Variants in ABCA5 observed in about 807,000 individuals in gnomAD.
ABCA5 encodes ATP binding cassette subfamily A member 5, also known as cholesterol transporter ABCA5.
In ABCA5, 163 loss-of-function variants were observed where a neutral mutation model predicts 206.0. That is an observed-to-expected ratio of 0.79 (90% CI 0.70 to 0.90). The LOEUF is 0.90. Among genes scored for constraint, ABCA5 ranks in the 40% least tolerant of loss-of-function variants. The pLI is 0.00. For synonymous variants in ABCA5, 609 were observed against 613.8 expected, an observed-to-expected ratio of 0.99 and a Z score of 0.11; for missense variants, 1,859 against 1,912.9, an observed-to-expected ratio of 0.97 and a Z score of 0.53.
intron 10 of ABCA5, among the ~76,000 whole-genome samples, chr17:69,295,224 C>T (rs2075572972): frequency 6.6e-6 from 1 of 152,084 alleles, no homozygotes; most frequent in African/African-American, 2.4e-5. Flanking sequence ...GTAACCGCAC[C>T]CACAGACCTC....
intron 28 of ABCA5, among the ~76,000 whole-genome samples, chr17:69,259,019 G>A (rs571798796): frequency 3.4e-4 from 51 of 152,078 alleles, no homozygotes; most frequent in African/African-American, 1.1e-3. Context: ...GTGTAAAATG[G>A]TATTACCACT....
rs763585432 is a variant in ABCA5, at chr17:69,251,729, C to T, written c.4535+18G>A. 27 of 1,602,858 alleles carry T rather than the reference C, an allele frequency of 1.7e-5. No homozygotes were observed. The Middle Eastern group carries it at 5.0e-4, about 29-fold the overall frequency. On this transcript the variant is annotated intron_variant, in intron 35 of 38. Coordinates refer to ENST00000392676, the MANE Select transcript of ABCA5 (RefSeq NM_172232.4). ...CCCCAACCTCTTCCCCTGAATGGCA[C>T]GCTATTTAGACATCAACCTTAACTG... is the stretch of plus-strand genomic sequence containing the variant.
rs905242997 is a variant in ABCA5 at position 69,264,471 on chromosome 17, G to A, written c.3315+264C>T. Among the ~76,000 whole-genome samples, 7 of 152,262 alleles carry A rather than the reference G, an allele frequency of 4.6e-5. No individual in the cohort carries two copies. In the East Asian group the frequency reaches 1.3e-3, roughly 29 times the overall value. Reference sequence around the variant, plus strand: ...TTTTAAGGAAGGAATATATTAAAACGTTCCTGATTACACCCAAGTAGGTGG... The same window carrying A: ...TTTTAAGGAAGGAATATATTAAAACATTCCTGATTACACCCAAGTAGGTGG... On this transcript the variant is annotated intron_variant, in intron 24 of 38. Coordinates refer to ENST00000392676, the MANE Select transcript of ABCA5 (RefSeq NM_172232.4).
intron 22 of ABCA5, among the ~76,000 whole-genome samples, chr17:69,270,170 AT>A (rs1334515473): frequency 6.6e-6 from 1 of 152,158 alleles, no homozygotes; most frequent in African/African-American, 2.4e-5. Context: ...TTTTTAGCAT[AT>A]GAAAATCAAA....
Position 69,324,779 on chromosome 17 carries a change from C to T in ABCA5, c.-16+2273G>A, listed in dbSNP as rs544910962. 3.9e-5 allele frequency among the ~76,000 whole-genome samples: 6 copies of T among 152,266 alleles called. No individual in the cohort carries two copies. In the South Asian group the frequency reaches 1.2e-3, roughly 32 times the overall value. On this transcript the variant is annotated intron_variant, in intron 1 of 38. Transcript: ENST00000392676. ...CCTAAACTGAAGACTGATTTCATTA[C>T]AACTCTGAAACACAAGAAATTAAAT...
At chr17:69,301,024 T>C (rs897759531) in intron 9 of ABCA5, 115 bp downstream of exon 9, 2 of 885,180 alleles carry the variant, frequency 2.3e-6, no homozygotes, top group Non-Finnish European at 3.3e-6. Context: ...GCTTTAACAA[T>C]GAATATGACT....
intron 38 of ABCA5, among the ~76,000 whole-genome samples, chr17:69,248,015 A>C (rs906449306): frequency 2.6e-5 from 4 of 152,156 alleles, no homozygotes; most frequent in African/African-American, 9.6e-5. Context: ...ACATGTATCA[A>C]AACATCACTG....
rs144015753 is a variant in ABCA5 at position 69,275,065 on chromosome 17, A to C, written c.2595-937T>G. ...TGCCATGTTGGCCAGACTGGTCTCAAACTCCTGGCCTCAAGTGATCCAGCT... is the reference window on the plus strand; with the variant it reads ...TGCCATGTTGGCCAGACTGGTCTCACACTCCTGGCCTCAAGTGATCCAGCT... On this transcript the variant is annotated intron_variant, in intron 19 of 38. Transcript: ENST00000392676. 4.6e-3 allele frequency among the ~76,000 whole-genome samples: 702 copies of C among 152,094 alleles called. 4 individuals carry two copies. The highest frequency in any genetic ancestry group is 0.016 in the African/African-American group (675 of 41,490).
Position 69,268,011 on chromosome 17 carries a change from C to T in ABCA5, c.3076G>A (p.Ala1026Thr). 1 of 1,610,560 alleles carries T rather than the reference C, an allele frequency of 6.2e-7. No individual in the cohort carries two copies. The highest frequency in any genetic ancestry group is 8.5e-7 in the Non-Finnish European group (1 of 1,177,634). Reference sequence around the variant, plus strand: ...GCAGTAACAATGATTCCAAGCAAAGCTGCTTGAAAATACAGCTCAATTTTA... The same window carrying T: ...GCAGTAACAATGATTCCAAGCAAAGTTGCTTGAAAATACAGCTCAATTTTA... ...VFKIELYFQA[A>T]LLGIIVTAMP... Residue 1026 changes from alanine to threonine, a missense_variant, in exon 23 of 39, where the codon GCT (alanine) becomes ACT (threonine). Coordinates refer to ENST00000392676, the MANE Select transcript of ABCA5 (RefSeq NM_172232.4).
At chr17:69,270,285 T>A (rs1056558246) in intron 22 of ABCA5, among the ~76,000 whole-genome samples, 3 of 152,058 alleles carry the variant, frequency 2.0e-5, no homozygotes, top group African/African-American at 7.2e-5. Flanking sequence ...GGGTGACTTC[T>A]CAAGTTTTTT....
intron 22 of ABCA5, chr17:69,268,700 T>C (rs1324812439): frequency 1.3e-5 from 2 of 152,274 alleles, no homozygotes; most frequent in South Asian, 2.1e-4. Context: ...TTCCTCCCCT[T>C]GTTCTATAAG....
In ABCA5 at chr17:69,270,699, T is replaced by C. The variant is rs769754921; in HGVS notation, c.2944A>G (p.Ile982Val). The C allele has an allele frequency of 5.6e-6, 9 of 1,600,832 alleles. No individual in the cohort carries two copies. Among genetic ancestry groups the C allele is most frequent in the South Asian group, 3.4e-5 (3 of 87,978 alleles). The change falls in exon 22 of 39, where the codon ATA (isoleucine) becomes GTA (valine). Residue 982 changes from isoleucine (I) to valine (V), a missense_variant. Coordinates refer to ENST00000392676, the MANE Select transcript of ABCA5 (RefSeq NM_172232.4). Reference protein sequence around the residue: ...FNSTMVYSLPILVNIISNYYL... With the variant: ...FNSTMVYSLPVLVNIISNYYL... ...TAGTTACTAATGATATTCACTAATA[T>C]AGGTAAAGAATAAACCATAGTACTG...
intron 15 of ABCA5, 84 bp downstream of exon 15, chr17:69,287,525 CTATT>C (rs2144975866): frequency 7.0e-7 from 1 of 1,425,652 alleles, no homozygotes; most frequent in Admixed American, 2.5e-5. Context: ...AAAAGCTTCT[CTATT>C]TATACCTCAG....
chr17:69,326,050 C>T lies in ABCA5; in HGVS notation c.-16+1002G>A, dbSNP rs369328724. On this transcript the variant is annotated intron_variant, in intron 1 of 38. Transcript: ENST00000392676. The surrounding 1 kb of genome is among the most constrained non-coding windows in gnomAD (Gnocchi z 4.8). The stretch of plus-strand genomic sequence containing the variant: ...CTTCCCTAAAACACATACAATATTG[C>T]TCTCCCGGCAAACACAAAATATACT... Among the ~76,000 whole-genome samples, 41 of 152,290 alleles carry T rather than the reference C, an allele frequency of 2.7e-4. 1 individual carries two copies. In the East Asian group the frequency reaches 6.4e-3, roughly 24 times the overall value.
At chr17:69,311,332 T>A (rs2040049976) in intron 3 of ABCA5, among the ~76,000 whole-genome samples, 1 of 152,154 alleles carries the variant, frequency 6.6e-6, no homozygotes, top group Admixed American at 6.6e-5. Context: ...TAGTTCAACA[T>A]CCTACCAGTC....
In ABCA5 at chr17:69,252,035, G is replaced by A. The variant is rs549702553; in HGVS notation, c.4416-169C>T. Reference sequence around the variant, plus strand: ...ACTATGATTTTTTTTTTTTTGAGACGGAGTCTCGCTCTGTCCCCCAGGCTG... The same window carrying A: ...ACTATGATTTTTTTTTTTTTGAGACAGAGTCTCGCTCTGTCCCCCAGGCTG... On this transcript the variant is annotated intron_variant, in intron 34 of 38. Transcript: ENST00000392676. Among the ~76,000 whole-genome samples the A allele has an allele frequency of 6.5e-5, 4 of 61,402 alleles. 1 individual carries two copies. The East Asian group carries it at 1.4e-3, about 22-fold the overall frequency. The allele number at this position is 61,402 out of a possible 152,430, so 40.3% of individuals were successfully genotyped here.
rs546309158 is a variant in ABCA5, at chr17:69,308,270, T to C, written c.558+10A>G. ...CATAGTTTTTGTATTTCTTCCTTTA[T>C]CATATTTACCTGTATAATGGCAGCA... On this transcript the variant is annotated intron_variant, in intron 5 of 38. Transcript: ENST00000392676. 5.0e-5 allele frequency: 76 copies of C among 1,535,026 alleles called. 1 individual carries two copies. The South Asian group carries it at 8.2e-4, about 16-fold the overall frequency.
intron 11 of ABCA5, among the ~76,000 whole-genome samples, chr17:69,293,210 G>T (rs1439997498): frequency 6.6e-6 from 1 of 151,998 alleles, no homozygotes; most frequent in Non-Finnish European, 1.5e-5. Flanking sequence ...TGTGGGGTTG[G>T]GGGATTAGGG....
intron 18 of ABCA5, among the ~76,000 whole-genome samples, chr17:69,278,231 G>A (rs569086810): frequency 1.3e-5 from 2 of 152,262 alleles, no homozygotes; most frequent in African/African-American, 2.4e-5. Flanking sequence ...CAGATGCAAA[G>A]GAGACACATG....
Sources: gnomAD v4.1 joint callset for allele counts (sites outside exome capture counted in the v4.1 genomes callset) on GRCh38, gnomAD v4.1.1 for gene constraint, Gnocchi (gnomAD v3.1) non-coding constraint, MANE v1.5 for transcripts, NCBI Gene and HGNC (gene_info 2026-07-23, HGNC 2026-07-21) for gene names.